MNS1: variants seen among roughly 807,000 people sequenced by gnomAD.
MNS1 encodes meiosis-specific nuclear structural protein 1.
In MNS1, 63 loss-of-function variants were observed where a neutral mutation model predicts 72.0. The observed-to-expected ratio is 0.87, with a 90% confidence interval of 0.71 to 1.08. MNS1 has a LOEUF of 1.08. Among genes scored for constraint, MNS1 ranks in the 50% least tolerant of loss-of-function variants. The pLI is 0.00. For missense variants in MNS1, 604 were observed against 562.4 expected, an observed-to-expected ratio of 1.07 and a Z score of -0.75; for synonymous variants, 188 against 172.1, an observed-to-expected ratio of 1.09 and a Z score of -0.72.
chr15:56,439,435 A>T (rs2050782121), intron 7 of MNS1, among the ~76,000 whole-genome samples: 1 of 92,312 alleles, frequency 1.1e-5, no homozygotes. Flanking sequence ...AGGCAAAGGA[A>T]CTAGAATAGC....
intron 7 of MNS1, among the ~76,000 whole-genome samples, chr15:56,442,894 G>C (rs1366712378): frequency 5.3e-5 from 8 of 150,972 alleles, no homozygotes; most frequent in Non-Finnish European, 1.2e-4. Context: ...TAAAGTAAAA[G>C]TTGGAAAGAG....
intron 7 of MNS1, among the ~76,000 whole-genome samples, chr15:56,435,605 T>C (rs1454021239): frequency 3.9e-5 from 6 of 151,988 alleles, no homozygotes; most frequent in African/African-American, 1.4e-4. Flanking sequence ...AAACACAAGC[T>C]ACCAAAACTC....
At chr15:56,436,780 C>T (rs1388920539) in intron 7 of MNS1, among the ~76,000 whole-genome samples, 1 of 152,002 alleles carries the variant, frequency 6.6e-6, no homozygotes, top group East Asian at 1.9e-4. Flanking sequence ...GGGATATCAC[C>T]ACAGATCCAA....
chr15:56,440,472 T>G (rs1481468262), intron 7 of MNS1, among the ~76,000 whole-genome samples: 1 of 152,190 alleles, frequency 6.6e-6, no homozygotes, highest in Non-Finnish European at 1.5e-5. Flanking sequence ...GAGCATTTAT[T>G]GCAGAGAAAT....
chr15:56,459,129 C>G (rs184078068), intron 2 of MNS1, among the ~76,000 whole-genome samples: 43 of 152,306 alleles, frequency 2.8e-4, no homozygotes, highest in African/African-American at 1.0e-3. Flanking sequence ...CCTTTTCCCC[C>G]AACCCCTGGC....
chr15:56,455,960 G>C (rs540551244), intron 3 of MNS1, among the ~76,000 whole-genome samples: 1 of 152,082 alleles, frequency 6.6e-6, no homozygotes, highest in Non-Finnish European at 1.5e-5. Flanking sequence ...AAAACAATGG[G>C]GGGGAAGATA....
At chr15:56,464,269 G>T in intron 1 of MNS1, 22 bp from the exon 2 acceptor site, 1 of 1,487,944 alleles carries the variant, frequency 6.7e-7, no homozygotes, top group Non-Finnish European at 9.2e-7. Context: ...GAAAAAAAAA[G>T]ATGCATATTT....
At chr15:56,443,907 G>C in intron 5 of MNS1, 53 bp from the exon 6 acceptor site, 1 of 1,307,402 alleles carries the variant, frequency 7.6e-7, no homozygotes, top group Non-Finnish European at 1.0e-6. Context: ...ATATAAAAAA[G>C]TAATTTCATT....
At chr15:56,431,295 C>A (rs2050587886) in intron 9 of MNS1, 78 bp downstream of exon 9, 1 of 1,531,224 alleles carries the variant, frequency 6.5e-7, no homozygotes. Context: ...AAAACCAAGG[C>A]ACTCTAAAAT....
At chr15:56,444,409 C>A in intron 5 of MNS1, 35 bp downstream of exon 5, 3 of 1,541,364 alleles carry the variant, frequency 1.9e-6, no homozygotes, top group South Asian at 1.2e-5. Context: ...CTAAAGTAAA[C>A]ATTTAGACAT....
chr15:56,458,817 T>C (rs1341390810), intron 2 of MNS1, among the ~76,000 whole-genome samples: 1 of 152,202 alleles, frequency 6.6e-6, no homozygotes, highest in Non-Finnish European at 1.5e-5. Context: ...TAATATTCCA[T>C]TGTCTGGATG....
At chr15:56,453,373 TTC>T (rs1195044270) in intron 3 of MNS1, among the ~76,000 whole-genome samples, 3 of 152,274 alleles carry the variant, frequency 2.0e-5, no homozygotes, top group African/African-American at 7.2e-5. Context: ...GTGATCAATC[TTC>T]TGTTTTTGTT....
At chr15:56,439,621 C>A (rs1171006300) in intron 7 of MNS1, among the ~76,000 whole-genome samples, 1 of 151,954 alleles carries the variant, frequency 6.6e-6, no homozygotes, top group Admixed American at 6.6e-5. Flanking sequence ...GTTGGAGAAA[C>A]AGCCATTTCA....
intron 3 of MNS1, among the ~76,000 whole-genome samples, chr15:56,450,214 G>C (rs1318089583): frequency 6.6e-6 from 1 of 152,060 alleles, no homozygotes; most frequent in Non-Finnish European, 1.5e-5. Context: ...TATGCCACAA[G>C]TTGGTTTCTT....
chr15:56,453,301 TTTC>T (rs552344769), intron 3 of MNS1, among the ~76,000 whole-genome samples: 1 of 152,204 alleles, frequency 6.6e-6, no homozygotes, highest in African/African-American at 2.4e-5. Context: ...TGGGATCATT[TTTC>T]TTCTTCTATT....
intron 7 of MNS1, among the ~76,000 whole-genome samples, chr15:56,439,981 A>G (rs760150013): frequency 4.6e-5 from 7 of 152,136 alleles, no homozygotes; most frequent in Non-Finnish European, 8.8e-5. Context: ...ATAAAGCTAC[A>G]GACTAGAAGA....
chr15:56,463,396 C>G (rs1402596690), intron 2 of MNS1, among the ~76,000 whole-genome samples: 7 of 152,160 alleles, frequency 4.6e-5, no homozygotes, highest in Non-Finnish European at 8.8e-5. Flanking sequence ...GTACCAGGCA[C>G]TATTCCAAGA....
intron 7 of MNS1, among the ~76,000 whole-genome samples, chr15:56,442,378 G>T (rs2050830280): frequency 6.6e-6 from 1 of 152,030 alleles, no homozygotes; most frequent in Non-Finnish European, 1.5e-5. Context: ...ATACCCAATG[G>T]GATTGCTGGG....
intron 3 of MNS1, among the ~76,000 whole-genome samples, chr15:56,448,608 A>G (rs564894192): frequency 2.0e-5 from 3 of 152,186 alleles, no homozygotes; most frequent in Admixed American, 1.3e-4. Context: ...GTATATATGT[A>G]CCACATTTTC....
Sources: allele counts gnomAD v4.1 joint callset (sites outside exome capture counted in the v4.1 genomes callset), GRCh38; gene constraint gnomAD v4.1.1; transcripts MANE v1.5; gene names NCBI Gene and HGNC (gene_info 2026-07-23, HGNC 2026-07-21).